The following NTRK3 variants were observed in gnomAD, a reference collection of about 807,000 sequenced individuals.
NTRK3 encodes the protein NT-3 growth factor receptor.
A neutral mutation model predicts 91.7 loss-of-function variants in NTRK3; 24 were observed. The ratio of observed to expected loss-of-function variants is 0.26; its 90% CI spans 0.19 to 0.37. NTRK3 has a LOEUF of 0.37. Ranked by LOEUF, NTRK3 falls within the 10% of genes least tolerant of loss-of-function variation. The pLI, the probability that NTRK3 is intolerant of heterozygous loss-of-function variation, is 1.00. For synonymous variants in NTRK3, 483 were observed against 404.0 expected (o/e 1.20, Z -2.34); for missense variants, 880 against 1,068.9 (o/e 0.82, Z 2.46).
At chr15:88,155,715 A>T (rs1182051157) in intron 5 of NTRK3, among the ~76,000 whole-genome samples, 1 of 152,256 alleles carries the variant, frequency 6.6e-6, no homozygotes, top group East Asian at 1.9e-4. Context: ...TGTTAGTCAC[A>T]TGTTAAAGAG....
chr15:87,943,138 G>A (rs1340176697), intron 14 of NTRK3, among the ~76,000 whole-genome samples: 2 of 152,104 alleles, frequency 1.3e-5, no homozygotes, highest in Admixed American at 6.5e-5. Flanking sequence ...CCAGGTTGAG[G>A]CCTGAAAATA....
At chr15:87,980,365 T>C (rs944301077) in intron 14 of NTRK3, among the ~76,000 whole-genome samples, 11 of 108,232 alleles carry the variant, frequency 1.0e-4, no homozygotes, top group Middle Eastern at 4.5e-3. Context: ...GTACATGTGT[T>C]TCCATGTGTG....
At chr15:87,886,790 A>G (rs2065581393) in intron 17 of NTRK3, among the ~76,000 whole-genome samples, 1 of 148,584 alleles carries the variant, frequency 6.7e-6, no homozygotes, top group South Asian at 2.1e-4. Flanking sequence ...AAATTTTGTG[A>G]TAATCATGTA....
intron 18 of NTRK3, among the ~76,000 whole-genome samples, chr15:87,879,630 T>A (rs1422907275): frequency 6.6e-6 from 1 of 152,248 alleles, no homozygotes; most frequent in Non-Finnish European, 1.5e-5. Flanking sequence ...GAAAAGTGCC[T>A]ACCACTAAAT....
At chr15:87,875,128 G>C (rs2064914951) in exon 19 of NTRK3, 1 of 231,338 alleles carries the variant, frequency 4.3e-6, no homozygotes, top group African/African-American at 2.2e-5. Context: ...GCTGCCTTCA[G>C]CTAACCAGGA....
intron 5 of NTRK3, among the ~76,000 whole-genome samples, chr15:88,152,512 C>T (rs1412953833): frequency 6.6e-6 from 1 of 152,172 alleles, no homozygotes; most frequent in Non-Finnish European, 1.5e-5. Flanking sequence ...TGGCCATCTA[C>T]AAGTCAAGGA....
At chr15:87,992,334 G>T (rs1052374975) in intron 14 of NTRK3, among the ~76,000 whole-genome samples, 1 of 152,044 alleles carries the variant, frequency 6.6e-6, no homozygotes, top group East Asian at 1.9e-4. Context: ...CACTTCCACA[G>T]TATTCCACTG....
At position 88,238,551 on chromosome 15, in the gene NTRK3, C is replaced by T. The variant is rs75238829; in HGVS notation, c.248+17355G>A. The stretch of plus-strand genomic sequence containing the variant: ...CTCTCCCTAGAGGCCAAGACTGTCA[C>T]GAAATTGGTTTGTATTCAGCCCACG... On this transcript the variant is annotated intron_variant, in intron 3 of 18. Coordinates refer to ENST00000394480, the Ensembl canonical transcript of NTRK3. Among the ~76,000 whole-genome samples the T allele has an allele frequency of 3.8e-3, 573 of 152,240 alleles. 2 individuals are homozygous for T. Among genetic ancestry groups the T allele is most frequent in the East Asian group, 0.018 (95 of 5,178 alleles).
intron 14 of NTRK3, among the ~76,000 whole-genome samples, chr15:87,947,647 C>A (rs1395172117): frequency 6.6e-6 from 1 of 151,680 alleles, no homozygotes; most frequent in African/African-American, 2.4e-5. Flanking sequence ...CTGAGCGTGA[C>A]TACACGCAGG....
chr15:88,166,697 C>CCTGG (rs2151473914), intron 5 of NTRK3, among the ~76,000 whole-genome samples: 1 of 152,248 alleles, frequency 6.6e-6, no homozygotes, highest in South Asian at 2.1e-4. Context: ...AGAGAGGTGA[C>CCTGG]CTGGTCTTTA....
At position 88,071,728 on chromosome 15, in the gene NTRK3, C is replaced by T. The variant is rs549085016; in HGVS notation, c.1397-38683G>A. On this transcript the variant is annotated intron_variant, in intron 13 of 18. Transcript: ENST00000394480. ...TACATAGCTTGAAAGCGCTGATGCT[C>T]CTTATGGGAGAATACTAGAGAAAAT... Among the ~76,000 whole-genome samples the T allele has an allele frequency of 2.6e-5, 4 of 152,284 alleles. No homozygotes were observed. In the South Asian group the frequency reaches 8.3e-4, roughly 32 times the overall value.
Position 87,892,523 on chromosome 15 carries a change from C to T in NTRK3, c.2134-12095G>A, listed in dbSNP as rs537088197. ...ATGAACTAATTGAAAATATGAGATG[C>T]ATTTCCATTAATATTTTACATTTTA... is the stretch of plus-strand genomic sequence containing the variant. On this transcript the variant is annotated intron_variant, in intron 17 of 18. Coordinates refer to ENST00000394480, the Ensembl canonical transcript of NTRK3. Among the ~76,000 whole-genome samples the T allele has an allele frequency of 1.6e-4, 24 of 152,248 alleles. 1 individual carries two copies. The South Asian group carries it at 4.8e-3, about 30-fold the overall frequency.
At chr15:88,220,918 G>C (rs193235747) in intron 3 of NTRK3, among the ~76,000 whole-genome samples, 9 of 152,258 alleles carry the variant, frequency 5.9e-5, no homozygotes, top group African/African-American at 1.2e-4. Context: ...ACCTCCAGGG[G>C]ATACGTCTCA....
At chr15:88,249,940 G>A (rs541522765) in intron 3 of NTRK3, among the ~76,000 whole-genome samples, 1 of 152,150 alleles carries the variant, frequency 6.6e-6, no homozygotes, top group Non-Finnish European at 1.5e-5. Context: ...GTCCCTCAAA[G>A]ATGGGTCATT....
intron 5 of NTRK3, among the ~76,000 whole-genome samples, chr15:88,162,070 C>T (rs757167449): frequency 3.9e-5 from 6 of 152,178 alleles, no homozygotes; most frequent in African/African-American, 7.2e-5. Flanking sequence ...ACCAGCAATG[C>T]CTGGGACTAA....
intron 14 of NTRK3, among the ~76,000 whole-genome samples, chr15:88,029,640 A>T (rs2078353980): frequency 6.6e-6 from 1 of 152,182 alleles, no homozygotes; most frequent in Non-Finnish European, 1.5e-5. Flanking sequence ...CCCCTGGGGG[A>T]TTCACAATGT....
At chr15:87,928,431 A>C (rs1473447216) in intron 17 of NTRK3, 1 of 152,326 alleles carries the variant, frequency 6.6e-6, no homozygotes, top group Non-Finnish European at 1.5e-5. Context: ...TATCAGAATC[A>C]GTCAATAATC....
At chr15:88,025,921 C>T (rs1200978402) in intron 14 of NTRK3, among the ~76,000 whole-genome samples, 3 of 151,994 alleles carry the variant, frequency 2.0e-5, no homozygotes, top group South Asian at 2.1e-4. Context: ...ATTGAGCCAT[C>T]GCACTCCAGC....
In NTRK3 at chr15:88,228,393, T is replaced by C. The variant is rs2050868138; in HGVS notation, c.248+27513A>G. Among the ~76,000 whole-genome samples, 6 of 152,258 alleles carry C rather than the reference T, an allele frequency of 3.9e-5. No individual in the cohort carries two copies. In the South Asian group the frequency reaches 1.2e-3, roughly 32 times the overall value. The stretch of plus-strand genomic sequence containing the variant: ...CCAATCCATGGCTGGCTGTTATGGC[T>C]CAATCTTCCTGAAACATGAGTCTCA... On this transcript the variant is annotated intron_variant, in intron 3 of 18. Transcript: ENST00000394480.
Sources: allele counts gnomAD v4.1 joint callset (sites outside exome capture counted in the v4.1 genomes callset), GRCh38; gene constraint gnomAD v4.1.1; transcripts MANE v1.5; gene names NCBI Gene and HGNC (gene_info 2026-07-23, HGNC 2026-07-21).